Variants in CAMKMT observed in about 807,000 individuals in gnomAD.
The protein encoded by CAMKMT is calmodulin-lysine N-methyltransferase.
CAMKMT carries 53 observed loss-of-function variants against 48.0 expected under a neutral mutation model. The ratio of observed to expected loss-of-function variants is 1.10; its 90% CI spans 0.89 to 1.39. CAMKMT has a LOEUF of 1.39. Ranked by LOEUF, CAMKMT falls within the 40% of genes most tolerant of loss-of-function variation. The pLI, the probability that CAMKMT is intolerant of heterozygous loss-of-function variation, is 0.00. For synonymous variants in CAMKMT, 165 were observed against 152.3 expected, an observed-to-expected ratio of 1.08 and a Z score of -0.61; for missense variants, 428 against 402.7, an observed-to-expected ratio of 1.06 and a Z score of -0.54.
intron 3 of CAMKMT, among the ~76,000 whole-genome samples, chr2:44,702,275 T>C (rs1311191174): frequency 2.0e-5 from 3 of 152,184 alleles, no homozygotes; most frequent in Non-Finnish European, 4.4e-5. Flanking sequence ...TATGTGGAGA[T>C]ATGACCGGTA....
chr2:44,446,499 C>A (rs1256942001), intron 3 of CAMKMT, among the ~76,000 whole-genome samples: 1 of 152,020 alleles, frequency 6.6e-6, no homozygotes, highest in African/African-American at 2.4e-5. Flanking sequence ...GTGTGTGCCA[C>A]CATGTCCAGC....
At chr2:44,375,884 CA>C in intron 2 of CAMKMT, among the ~76,000 whole-genome samples, 1 of 152,102 alleles carries the variant, frequency 6.6e-6, no homozygotes, top group Non-Finnish European at 1.5e-5. Context: ...CTCCAGGGTT[CA>C]AGTGACTCTC....
intron 3 of CAMKMT, among the ~76,000 whole-genome samples, chr2:44,658,344 A>AG (rs1674487230): frequency 6.6e-6 from 1 of 152,222 alleles, no homozygotes; most frequent in Non-Finnish European, 1.5e-5. Flanking sequence ...ATTTTATTTC[A>AG]GGAGAGCAAA....
intron 3 of CAMKMT, among the ~76,000 whole-genome samples, chr2:44,504,597 CT>C (rs555583045): frequency 6.5e-4 from 99 of 152,176 alleles, no homozygotes; most frequent in African/African-American, 2.3e-3. Context: ...GAGGTGGGGC[CT>C]TTTAGTTTTT....
chr2:44,392,854 T>C (rs972357237), intron 3 of CAMKMT, among the ~76,000 whole-genome samples: 1 of 151,962 alleles, frequency 6.6e-6, no homozygotes, highest in African/African-American at 2.4e-5. Flanking sequence ...ATCACCACCA[T>C]GGTAGTATGT....
chr2:44,384,813 T>G (rs111267966), intron 2 of CAMKMT, among the ~76,000 whole-genome samples: 15,420 of 152,012 alleles, frequency 0.1, 2,573 homozygotes, highest in African/African-American at 0.35. Context: ...TTATTTCTGG[T>G]TTCTCTATTC....
chr2:44,655,768 C>G (rs375799368), intron 3 of CAMKMT, among the ~76,000 whole-genome samples: 2 of 152,146 alleles, frequency 1.3e-5, no homozygotes, highest in Non-Finnish European at 2.9e-5. Context: ...CCATGCTTAC[C>G]GAGCTTGTTC....
At chr2:44,370,209 T>C (rs1679017509) in intron 1 of CAMKMT, among the ~76,000 whole-genome samples, 1 of 152,206 alleles carries the variant, frequency 6.6e-6, no homozygotes, top group Non-Finnish European at 1.5e-5. Flanking sequence ...ATCTATCCCA[T>C]AGTGTTGTTT....
At chr2:44,515,438 C>T (rs1331852531) in intron 3 of CAMKMT, among the ~76,000 whole-genome samples, 3 of 152,128 alleles carry the variant, frequency 2.0e-5, no homozygotes, top group African/African-American at 4.8e-5. Context: ...TGTGGAATAT[C>T]TTAGAACACA....
chr2:44,614,353 G>T (rs926197601), intron 3 of CAMKMT, among the ~76,000 whole-genome samples: 2 of 152,152 alleles, frequency 1.3e-5, no homozygotes, highest in African/African-American at 4.8e-5. Context: ...TGAGAATGAC[G>T]GAGAAGTAAA....
intron 3 of CAMKMT, among the ~76,000 whole-genome samples, chr2:44,586,431 T>C (rs1040077181): frequency 7.9e-4 from 120 of 152,170 alleles, no homozygotes; most frequent in African/African-American, 2.8e-3. Context: ...TCTTTTGTAG[T>C]CCTTCCTACC....
At chr2:44,371,668 G>A (rs1334833187) in intron 1 of CAMKMT, among the ~76,000 whole-genome samples, 1 of 152,116 alleles carries the variant, frequency 6.6e-6, no homozygotes, top group Non-Finnish European at 1.5e-5. Flanking sequence ...GAACAGCTGT[G>A]TTTATTCTCA....
intron 9 of CAMKMT, among the ~76,000 whole-genome samples, chr2:44,759,804 G>C (rs1680537199): frequency 6.6e-6 from 1 of 152,220 alleles, no homozygotes. Flanking sequence ...GCTTAGCAGA[G>C]AATACCAAGA....
chr2:44,373,968 A>G (rs571133069), intron 2 of CAMKMT, among the ~76,000 whole-genome samples: 4 of 151,586 alleles, frequency 2.6e-5, no homozygotes, highest in African/African-American at 7.2e-5. Flanking sequence ...TACAAAAAAT[A>G]CAAAAATTAA....
chr2:44,362,699 A>G (rs1204845182), intron 1 of CAMKMT, among the ~76,000 whole-genome samples: 1 of 152,186 alleles, frequency 6.6e-6, no homozygotes, highest in Non-Finnish European at 1.5e-5. Flanking sequence ...CTGAGGTCTC[A>G]AAGTTAAATG....
chr2:44,449,262 G>C (rs776772988), intron 3 of CAMKMT, among the ~76,000 whole-genome samples: 7 of 152,126 alleles, frequency 4.6e-5, no homozygotes, highest in Non-Finnish European at 1.0e-4. Context: ...AGAACCTGAA[G>C]GGAAAAAATT....
intron 3 of CAMKMT, among the ~76,000 whole-genome samples, chr2:44,682,578 T>A (rs552531908): frequency 6.6e-6 from 1 of 152,316 alleles, no homozygotes; most frequent in Admixed American, 6.5e-5. Flanking sequence ...TTGATATATC[T>A]ATTAACTGCC....
chr2:44,501,826 G>A (rs1670021166), intron 3 of CAMKMT, among the ~76,000 whole-genome samples: 1 of 151,968 alleles, frequency 6.6e-6, no homozygotes, highest in Admixed American at 6.6e-5. Context: ...GAAGGTTGCA[G>A]TGAGCTATAA....
At chr2:44,563,668 C>A (rs943456225) in intron 3 of CAMKMT, among the ~76,000 whole-genome samples, 13 of 152,118 alleles carry the variant, frequency 8.5e-5, no homozygotes, top group Middle Eastern at 3.2e-3. Flanking sequence ...GTTCCCCACC[C>A]TGTGTCCAAG....
Sources: gnomAD v4.1 joint callset for allele counts (sites outside exome capture counted in the v4.1 genomes callset) on GRCh38, gnomAD v4.1.1 for gene constraint, MANE v1.5 for transcripts, NCBI Gene and HGNC (gene_info 2026-07-23, HGNC 2026-07-21) for gene names.